Variants in TMEM181 observed in about 807,000 individuals in gnomAD.
The protein encoded by TMEM181 is transmembrane protein 181, also known as G protein-coupled receptor 178.
Under a neutral mutation model 71.9 loss-of-function variants are expected in TMEM181, and 39 were observed. The observed-to-expected ratio is 0.54, with a 90% CI of 0.42 to 0.71. The LOEUF is 0.71. TMEM181 is among the 30% of genes least tolerant of loss of function. The probability of loss-of-function intolerance (pLI) is 0.00; values close to 1 mark genes in which losing one functional copy is unlikely to be tolerated. For synonymous variants in TMEM181, 245 were observed against 228.8 expected (o/e 1.07, Z -0.64); for missense variants, 595 against 583.0 (o/e 1.02, Z -0.21).
At chr6:158,583,778 C>T (rs145377188) in intron 3 of TMEM181, among the ~76,000 whole-genome samples, 176 bp from the exon 4 acceptor site, 496 of 152,126 alleles carry the variant, frequency 3.3e-3, no homozygotes, top group African/African-American at 0.011. Flanking sequence ...CTAGCCTAGG[C>T]GACAGAGTGA....
intron 3 of TMEM181, among the ~76,000 whole-genome samples, chr6:158,582,672 G>T (rs1279673300): frequency 6.7e-6 from 1 of 148,290 alleles, no homozygotes; most frequent in Non-Finnish European, 1.5e-5. Flanking sequence ...TCTTAAAAAA[G>T]AAAAAAAAAG....
rs1346455756 is a variant in TMEM181, at chr6:158,605,150, G to GTGTGTGTGTGTT, written c.493-108_493-107insGTTTGTGTGTGT. The GTGTGTGTGTGTT allele has an allele frequency of 5.7e-5, 31 of 540,564 alleles. 1 individual carries two copies. The African/African-American group carries it at 6.9e-4, about 12-fold the overall frequency. The allele number at this position is 540,564 out of a possible 1,614,324, so 33.5% of individuals were successfully genotyped here. The stretch of plus-strand genomic sequence containing the variant: ...AAAAAAAGTGTGTGTGTGTGTGTGT[G>GTGTGTGTGTGTT]TGTGTGTGTATGTGTATATATTGTC... On this transcript the variant is annotated intron_variant, in intron 6 of 16. Coordinates refer to ENST00000684151, the MANE Select transcript of TMEM181 (RefSeq NM_001376852.1).
intron 1 of TMEM181, among the ~76,000 whole-genome samples, chr6:158,540,789 G>C (rs1020267139): frequency 1.4e-4 from 21 of 152,010 alleles, no homozygotes; most frequent in Admixed American, 1.3e-4. Context: ...TTTTGAGAGA[G>C]AGAGTCTCAC....
At chr6:158,583,897 G>T (rs1582985039) in intron 3 of TMEM181, 57 bp from the exon 4 acceptor site, 1 of 1,303,110 alleles carries the variant, frequency 7.7e-7, no homozygotes, top group East Asian at 2.4e-5. Flanking sequence ...AAACGATGAG[G>T]TATTTGGTAG....
chr6:158,596,378 A>G (rs1388114738), intron 6 of TMEM181, among the ~76,000 whole-genome samples: 2 of 152,166 alleles, frequency 1.3e-5, no homozygotes, highest in South Asian at 2.1e-4. Flanking sequence ...TACTGACACA[A>G]TCAACCTTTG....
intron 10 of TMEM181, among the ~76,000 whole-genome samples, chr6:158,609,019 GC>G (rs1416308044): frequency 6.6e-6 from 1 of 151,688 alleles, no homozygotes; most frequent in South Asian, 2.1e-4. Context: ...GATCGCTTGA[GC>G]CTGCGAGGCA....
chr6:158,626,771 G>C (rs1786299172), intron 13 of TMEM181: 1 of 424,036 alleles, frequency 2.4e-6, no homozygotes, highest in Admixed American at 2.6e-5. Context: ...CTCACATAGA[G>C]GCTCACTCAC....
intron 2 of TMEM181, among the ~76,000 whole-genome samples, chr6:158,575,615 G>A (rs1180903578): frequency 3.9e-5 from 6 of 152,180 alleles, no homozygotes; most frequent in African/African-American, 1.2e-4. Flanking sequence ...ACCGCAGCCA[G>A]CCAAGTCTAG....
intron 6 of TMEM181, among the ~76,000 whole-genome samples, chr6:158,601,967 G>A (rs1784694534): frequency 6.6e-6 from 1 of 151,964 alleles, no homozygotes; most frequent in Non-Finnish European, 1.5e-5. Context: ...TTTTTGTTTG[G>A]CAGCTTTATT....
At chr6:158,611,574 A>G (rs1395720296) in intron 10 of TMEM181, 1 of 391,750 alleles carries the variant, frequency 2.6e-6, no homozygotes, top group Admixed American at 3.5e-5. Flanking sequence ...TTCCTTTTCT[A>G]GAGAAGCTAT....
Position 158,631,978 on chromosome 6 carries a change from C to T in TMEM181, c.*90C>T. On this transcript the variant is annotated 3_prime_UTR_variant, in exon 17 of 17. Coordinates refer to ENST00000684151, the MANE Select transcript of TMEM181 (RefSeq NM_001376852.1). ...CTTCCCCTGTTATATTCAGATTTTT[C>T]TTACAAGCAGAGATTTCCTGTTCAT... The T allele has an allele frequency of 8.2e-7, 1 of 1,216,226 alleles. No homozygotes were observed. The highest frequency in any genetic ancestry group is 1.2e-6 in the Non-Finnish European group (1 of 859,572). The allele number at this position is 1,216,226 out of a possible 1,614,324, so 75.3% of individuals were successfully genotyped here. A position where few individuals can be genotyped will look rare whatever the true frequency, so the allele number is the denominator to read the frequency against.
At chr6:158,551,846 A>C (rs1013281309) in intron 1 of TMEM181, among the ~76,000 whole-genome samples, 2 of 152,210 alleles carry the variant, frequency 1.3e-5, no homozygotes, top group Admixed American at 6.5e-5. Context: ...TTTCCTATGG[A>C]GCAAGTAAGC....
intron 1 of TMEM181, among the ~76,000 whole-genome samples, chr6:158,548,405 T>C (rs1582921292): frequency 1.3e-5 from 2 of 152,132 alleles, no homozygotes; most frequent in African/African-American, 4.8e-5. Flanking sequence ...CGGTAACTCA[T>C]AGAAAAACAT....
At chr6:158,618,072 G>A (rs897681043) in intron 10 of TMEM181, among the ~76,000 whole-genome samples, 8 of 152,028 alleles carry the variant, frequency 5.3e-5, no homozygotes, top group African/African-American at 1.7e-4. Flanking sequence ...AATGTTGACA[G>A]TGGGGTGTTA....
intron 8 of TMEM181, among the ~76,000 whole-genome samples, chr6:158,607,544 C>T (rs1785022275): frequency 6.6e-6 from 1 of 152,126 alleles, no homozygotes; most frequent in Non-Finnish European, 1.5e-5. Context: ...GTGGTGCGTG[C>T]CTGTGGTCCC....
At chr6:158,600,388 G>A (rs1209287990) in intron 6 of TMEM181, among the ~76,000 whole-genome samples, 6 of 151,316 alleles carry the variant, frequency 4.0e-5, no homozygotes, top group Non-Finnish European at 7.4e-5. Flanking sequence ...GACCTCAGGC[G>A]ATCCACCCGC....
intron 1 of TMEM181, among the ~76,000 whole-genome samples, chr6:158,545,113 G>C (rs1055528805): frequency 3.9e-5 from 6 of 152,216 alleles, no homozygotes; most frequent in Non-Finnish European, 8.8e-5. Context: ...CCTGCGGCTT[G>C]CTCAGCCGTG....
intron 1 of TMEM181, among the ~76,000 whole-genome samples, chr6:158,549,628 T>G (rs1281118186): frequency 1.3e-5 from 2 of 152,182 alleles, no homozygotes; most frequent in African/African-American, 4.8e-5. Flanking sequence ...GAATAGGCAT[T>G]CCACAGTAAG....
intron 3 of TMEM181, among the ~76,000 whole-genome samples, chr6:158,581,811 GCTT>G (rs1783499902): frequency 6.8e-6 from 1 of 146,036 alleles, no homozygotes; most frequent in African/African-American, 2.5e-5. Context: ...GAAAAACAGA[GCTT>G]CTTTCAATTG....
Sources: allele counts gnomAD v4.1 joint callset (sites outside exome capture counted in the v4.1 genomes callset), GRCh38; gene constraint gnomAD v4.1.1; transcripts MANE v1.5; gene names NCBI Gene and HGNC (gene_info 2026-07-23, HGNC 2026-07-21).